USP9X: variants seen among roughly 807,000 people sequenced by gnomAD.
The protein encoded by USP9X is ubiquitin specific peptidase 9 X-linked.
Under a neutral mutation model 190.3 loss-of-function variants are expected in USP9X, and 7 were observed. That is an observed-to-expected ratio of 0.04 (90% CI 0.02 to 0.07). The LOEUF is 0.07. Ranked by LOEUF, USP9X falls within the 10% of genes least tolerant of loss-of-function variation. The probability of loss-of-function intolerance (pLI) is 1.00; values close to 1 mark genes in which losing one functional copy is unlikely to be tolerated. For synonymous variants in USP9X, 645 were observed against 659.5 expected, an observed-to-expected ratio of 0.98 and a Z score of 0.34; for missense variants, 1,010 against 1,916.9, an observed-to-expected ratio of 0.53 and a Z score of 8.83.
At chrX:41,151,362 A>G (rs920776588) in intron 13 of USP9X, among the ~76,000 whole-genome samples, 1 of 111,961 alleles carries the variant, frequency 8.9e-6, no homozygotes, top group African/African-American at 3.2e-5. Context: ...GTTTCATAGC[A>G]TGTCTTTAAA....
chrX:41,143,293 A>T lies in USP9X; in HGVS notation c.1164A>T (p.Glu388Asp), dbSNP rs2062438350. 8.7e-7 allele frequency: 1 copy of T among 1,146,873 alleles called. No homozygotes were observed. The highest frequency in any genetic ancestry group is 1.8e-5 in the African/African-American group (1 of 55,860). 94.5% of individuals were successfully genotyped at this position (1,146,873 alleles called of 1,213,427 possible). The change falls in exon 10 of 45, where the codon GAA becomes GAT. Residue 388 changes from glutamate to aspartate, a missense_variant and splice_region_variant. Transcript: ENST00000378308. ...CACGTTTTTGAATTAACATTTAGGA[A>T]TGGATACAGCAGAACAATATCTTAT... ...EEWLTAERMA[E>D]WIQQNNILSI...
At chrX:41,178,757 TTG>T (rs1421433898) in intron 21 of USP9X, among the ~76,000 whole-genome samples, 1 of 112,015 alleles carries the variant, frequency 8.9e-6, no homozygotes, top group Non-Finnish European at 1.9e-5. Flanking sequence ...GCCTGTGCTT[TTG>T]AAGTCTTAGC....
At chrX:41,128,025 CGGG>C (rs1440976763) in intron 2 of USP9X, among the ~76,000 whole-genome samples, 1 of 111,163 alleles carries the variant, frequency 9.0e-6, no homozygotes, top group East Asian at 2.8e-4. Context: ...ACTGTTAAAA[CGGG>C]GGGAGAGAAA....
chrX:41,162,898 G>T (rs1302453261), intron 15 of USP9X, 21 bp downstream of exon 15: 2 of 1,144,899 alleles, frequency 1.7e-6, no homozygotes, highest in African/African-American at 3.6e-5. Flanking sequence ...TACAGTTAGT[G>T]TTGCTCTCTT....
chrX:41,131,180 T>C (rs1194335102), intron 3 of USP9X, among the ~76,000 whole-genome samples: 2 of 111,574 alleles, frequency 1.8e-5, no homozygotes, highest in Admixed American at 9.5e-5. Context: ...TTGATTGTTA[T>C]AATAGTTTTA....
intron 1 of USP9X, among the ~76,000 whole-genome samples, chrX:41,088,812 G>A (rs1235080836): frequency 9.1e-6 from 1 of 110,454 alleles, no homozygotes; most frequent in Non-Finnish European, 1.9e-5. Flanking sequence ...TTGTCATTTG[G>A]TTCTTTTAGG....
At chrX:41,103,463 ATG>A (rs1253349081) in intron 1 of USP9X, among the ~76,000 whole-genome samples, 1 of 111,848 alleles carries the variant, frequency 8.9e-6, no homozygotes, top group Non-Finnish European at 1.9e-5. Context: ...ACAGGATACT[ATG>A]TGTATAGAGT....
At chrX:41,091,603 C>T (rs1305227813) in intron 1 of USP9X, among the ~76,000 whole-genome samples, 1 of 111,925 alleles carries the variant, frequency 8.9e-6, no homozygotes, top group African/African-American at 3.2e-5. Flanking sequence ...TTATCACATT[C>T]TTGCTATTTT....
intron 6 of USP9X, among the ~76,000 whole-genome samples, chrX:41,137,436 T>C (rs1329530047): frequency 1.8e-5 from 2 of 111,875 alleles, no homozygotes; most frequent in African/African-American, 6.5e-5. Flanking sequence ...AAATTGTTAA[T>C]GAAATCAATA....
chrX:41,097,770 G>C (rs937722458), intron 1 of USP9X, among the ~76,000 whole-genome samples: 43 of 111,191 alleles, frequency 3.9e-4, no homozygotes, highest in African/African-American at 1.3e-3. Flanking sequence ...TATAGCCTTT[G>C]GAAGAACTCC....
At chrX:41,118,240 AC>A (rs764106130) in intron 1 of USP9X, among the ~76,000 whole-genome samples, 2 of 110,868 alleles carry the variant, frequency 1.8e-5, no homozygotes, top group Non-Finnish European at 3.8e-5. Context: ...CATTTCCAGA[AC>A]TTCTCTTCTT....
intron 14 of USP9X, among the ~76,000 whole-genome samples, chrX:41,155,453 C>T (rs746177385): frequency 4.5e-5 from 5 of 111,470 alleles, no homozygotes; most frequent in African/African-American, 9.8e-5. Flanking sequence ...CAATACTTAC[C>T]GAAAGTTTAA....
chrX:41,089,908 T>G (rs2061942304), intron 1 of USP9X, among the ~76,000 whole-genome samples: 2 of 70,750 alleles, frequency 2.8e-5, no homozygotes, highest in Admixed American at 3.4e-4. Context: ...TGAGGGTTTT[T>G]TTTTTTTTTT....
At chrX:41,139,771 T>TA (rs201955991) in intron 6 of USP9X, among the ~76,000 whole-genome samples, 3 of 111,557 alleles carry the variant, frequency 2.7e-5, no homozygotes, top group East Asian at 2.8e-4. Context: ...ATTTTTTTTT[T>TA]AAATAGCTGT....
intron 24 of USP9X, among the ~76,000 whole-genome samples, chrX:41,187,048 G>A (rs1354066358): frequency 6.4e-5 from 7 of 109,251 alleles, no homozygotes; most frequent in African/African-American, 2.0e-4. Context: ...GGCCAGGCTG[G>A]TCTCGAACTC....
At chrX:41,198,399 A>G in intron 29 of USP9X, 129 bp from the exon 30 acceptor site, 1 of 331,378 alleles carries the variant, frequency 3.0e-6, no homozygotes, top group East Asian at 8.7e-5. Flanking sequence ...AGAAAATCTG[A>G]GTTTTCTGAG....
chrX:41,192,403 A>G (rs935913077), intron 26 of USP9X, among the ~76,000 whole-genome samples: 3 of 110,186 alleles, frequency 2.7e-5, no homozygotes, highest in Non-Finnish European at 5.7e-5. Flanking sequence ...GTTGCAATGG[A>G]TTTAAATTCT....
chrX:41,178,077 T>G (rs1355853047), intron 21 of USP9X, among the ~76,000 whole-genome samples: 1 of 99,556 alleles, frequency 1.0e-5, no homozygotes, highest in East Asian at 3.1e-4. Context: ...AAATCCGAGG[T>G]TTAAATCTTT....
At chrX:41,199,189 A>AAAAAGAAAAG (rs766918025) in intron 30 of USP9X, among the ~76,000 whole-genome samples, 1 of 110,898 alleles carries the variant, frequency 9.0e-6, no homozygotes, top group East Asian at 2.8e-4. Context: ...ATCTCAGAAA[A>AAAAAGAAAAG]AAAAGAAAAG....
Sources: gnomAD v4.1 joint callset for allele counts (sites outside exome capture counted in the v4.1 genomes callset) on GRCh38, gnomAD v4.1.1 for gene constraint, MANE v1.5 for transcripts, NCBI Gene and HGNC (gene_info 2026-07-23, HGNC 2026-07-21) for gene names.